Variants in WDFY3 observed in about 807,000 individuals in gnomAD.
WDFY3 encodes WD repeat and FYVE domain containing 3.
In WDFY3, 66 loss-of-function variants were observed where a neutral mutation model predicts 409.6. The observed-to-expected ratio is 0.16, with a 90% confidence interval of 0.13 to 0.20. WDFY3 has a LOEUF of 0.20. Ranked by LOEUF, WDFY3 falls within the 10% of genes least tolerant of loss-of-function variation. WDFY3 has a pLI of 1.00. For missense variants in WDFY3, 3,031 were observed against 4,298.1 expected (o/e 0.71, Z 8.24); for synonymous variants, 1,521 against 1,537.1 (o/e 0.99, Z 0.25).
intron 3 of WDFY3, among the ~76,000 whole-genome samples, chr4:84,877,103 A>G (rs1762892935): frequency 6.6e-6 from 1 of 152,236 alleles, no homozygotes; most frequent in South Asian, 2.1e-4. Flanking sequence ...CATAACTTTA[A>G]GGAAAAGTAC....
At chr4:84,862,815 G>C (rs532267274) in intron 3 of WDFY3, among the ~76,000 whole-genome samples, 1 of 152,030 alleles carries the variant, frequency 6.6e-6, no homozygotes, top group Non-Finnish European at 1.5e-5. Context: ...GTGAAACCCC[G>C]TCTCTACTAA....
Position 84,766,342 on chromosome 4 carries a change from G to A in WDFY3, c.4880C>T (p.Ser1627Leu), listed in dbSNP as rs1243554564. The change falls in exon 31 of 68, where the codon TCA becomes TTA. Residue 1627 changes from serine (S) to leucine (L), a missense_variant. Physicochemically the swap from Ser to Leu is moderately radical, Grantham distance 145. Transcript: ENST00000295888. ...GTTCCTCAAAAGTATAAGATTAGCT[G>A]ATACAAGACCTCCAAACTCCTCTTC... ...GTEEEFGGLV[S>L]ANLILLRNRL... 1 of 1,601,530 alleles carries A rather than the reference G, an allele frequency of 6.2e-7. No homozygotes were observed.
rs115849203 is a variant in WDFY3, at chr4:84,681,216, G to A, written c.9823+1158C>T. On this transcript the variant is annotated intron_variant, in intron 64 of 67. Transcript: ENST00000295888. ...CTTCTGCCAGACTACCCACAATAAA[G>A]ACATACAAATATCTTTCCACCCTGA... 2.0e-3 allele frequency among the ~76,000 whole-genome samples: 307 copies of A among 152,178 alleles called. No individual in the cohort carries two copies. In the Middle Eastern group the frequency reaches 0.02, roughly 10 times the overall value.
rs1725412905 is a variant in WDFY3 at position 84,671,317 on chromosome 4, C to T, written c.*1551G>A. On this transcript the variant is annotated 3_prime_UTR_variant, in exon 68 of 68. Transcript: ENST00000295888. The stretch of plus-strand genomic sequence containing the variant: ...AGCCGCTGTCCTTTGCATGATGCCT[C>T]TGTGAGGGTGTGAAGGCCTTTCCTT... The T allele has an allele frequency of 6.6e-6, 1 of 152,578 alleles. No individual in the cohort carries two copies. Among genetic ancestry groups the T allele is most frequent in the South Asian group, 2.1e-4 (1 of 4,826 alleles). 9.5% of individuals were successfully genotyped at this position (152,578 alleles called of 1,614,324 possible).
intron 7 of WDFY3, among the ~76,000 whole-genome samples, chr4:84,834,361 T>G (rs1220083398): frequency 2.6e-5 from 4 of 152,054 alleles, no homozygotes; most frequent in Non-Finnish European, 5.9e-5. Flanking sequence ...AATTTCTCAT[T>G]CCTGGCTGGG....
At chr4:84,698,775 C>T (rs1479949556) in intron 56 of WDFY3, among the ~76,000 whole-genome samples, 2 of 152,132 alleles carry the variant, frequency 1.3e-5, no homozygotes, top group Non-Finnish European at 2.9e-5. Flanking sequence ...CTCACTGCAA[C>T]ATCTGCCTCC....
chr4:84,944,359 A>T (rs914704066), intron 1 of WDFY3, among the ~76,000 whole-genome samples: 3 of 151,838 alleles, frequency 2.0e-5, no homozygotes, highest in Non-Finnish European at 2.9e-5. Context: ...CTACGAAAAA[A>T]ATTAAAATAA....
chr4:84,918,797 G>A (rs998770557), intron 2 of WDFY3, among the ~76,000 whole-genome samples: 1 of 147,834 alleles, frequency 6.8e-6, no homozygotes, highest in Non-Finnish European at 1.5e-5. Context: ...AAACACATGC[G>A]CATATTTGTG....
chr4:84,953,611 A>G (rs940848813), intron 1 of WDFY3, among the ~76,000 whole-genome samples: 1 of 152,164 alleles, frequency 6.6e-6, no homozygotes, highest in African/African-American at 2.4e-5. Context: ...TACAATTTTT[A>G]TGATGACCTA....
At chr4:84,905,019 C>A (rs930134389) in intron 2 of WDFY3, among the ~76,000 whole-genome samples, 3 of 151,626 alleles carry the variant, frequency 2.0e-5, no homozygotes, top group African/African-American at 7.3e-5. Flanking sequence ...TACAGTCTCT[C>A]GTCTGCGCAC....
intron 1 of WDFY3, among the ~76,000 whole-genome samples, chr4:84,934,382 A>G (rs1042709218): frequency 1.4e-4 from 22 of 152,078 alleles, no homozygotes; most frequent in Non-Finnish European, 3.1e-4. Context: ...AAGGAAAAGT[A>G]CTCTTTAAAA....
At chr4:84,855,997 A>G (rs960225200) in intron 4 of WDFY3, among the ~76,000 whole-genome samples, 1 of 152,166 alleles carries the variant, frequency 6.6e-6, no homozygotes, top group African/African-American at 2.4e-5. Flanking sequence ...GTAAGTAAAC[A>G]TGACTATTTC....
At chr4:84,797,019 G>C (rs1023123855) in intron 18 of WDFY3, among the ~76,000 whole-genome samples, 1 of 152,050 alleles carries the variant, frequency 6.6e-6, no homozygotes, top group Non-Finnish European at 1.5e-5. Flanking sequence ...TGTCATCAAA[G>C]CCACTGATAC....
chr4:84,824,909 C>T (rs1754627991), intron 10 of WDFY3, among the ~76,000 whole-genome samples: 1 of 152,002 alleles, frequency 6.6e-6, no homozygotes, highest in Non-Finnish European at 1.5e-5. Context: ...GTAGCTTCAC[C>T]CATTCACTTT....
chr4:84,785,694 A>G (rs915079828), intron 24 of WDFY3, among the ~76,000 whole-genome samples: 13 of 152,234 alleles, frequency 8.5e-5, no homozygotes, highest in African/African-American at 2.4e-4. Flanking sequence ...CCTTAAAAAC[A>G]GTAATTGTTT....
At chr4:84,874,016 A>T (rs926010658) in intron 3 of WDFY3, among the ~76,000 whole-genome samples, 28 of 151,684 alleles carry the variant, frequency 1.8e-4, no homozygotes, top group African/African-American at 5.8e-4. Context: ...CCTGGACTCA[A>T]GCAATTCACC....
intron 3 of WDFY3, among the ~76,000 whole-genome samples, chr4:84,896,236 C>G (rs1348953397): frequency 7.9e-5 from 12 of 151,760 alleles, no homozygotes; most frequent in Admixed American, 7.9e-4. Context: ...AGCCTGGCAA[C>G]AGAGCGACAC....
rs776171163 is a variant in WDFY3 at position 84,765,832 on chromosome 4, A to C, written c.5166T>G (p.Thr1722=). The C allele has an allele frequency of 6.2e-7, 1 of 1,613,896 alleles. No individual in the cohort carries two copies. The highest frequency in any genetic ancestry group is 1.7e-5 in the Admixed American group (1 of 60,020). ...TACCTAATACAGTTCCAATCTTATT[A>C]GTTAAGACAGAATCTGTCTGTTCAA... ...GWLEQTDSVL[T]NKIGTVLGFN... Residue 1722 remains threonine (T), a synonymous_variant, in exon 32 of 68, where the codon ACT becomes ACG. Transcript: ENST00000295888.
chr4:84,673,729 G>T (rs1274337821), intron 67 of WDFY3, among the ~76,000 whole-genome samples: 2 of 151,980 alleles, frequency 1.3e-5, no homozygotes, highest in East Asian at 3.9e-4. Flanking sequence ...TCAGGATGTG[G>T]TATTAAATCA....
Sources: allele counts gnomAD v4.1 joint callset (sites outside exome capture counted in the v4.1 genomes callset), GRCh38; gene constraint gnomAD v4.1.1; transcripts MANE v1.5; gene names NCBI Gene and HGNC (gene_info 2026-07-23, HGNC 2026-07-21).